SLC31A1: variants seen among roughly 807,000 people sequenced by gnomAD.
SLC31A1 encodes the protein solute carrier family 31 member 1.
In SLC31A1, 5 loss-of-function variants were observed where a neutral mutation model predicts 17.2. The ratio of observed to expected loss-of-function variants is 0.29; its 90% CI spans 0.15 to 0.61. The LOEUF (loss-of-function observed/expected upper bound fraction) is 0.61, where lower values mean the gene tolerates loss of function less well. Ranked by LOEUF, SLC31A1 falls within the 20% of genes least tolerant of loss-of-function variation. The probability of loss-of-function intolerance (pLI) is 0.86; values close to 1 mark genes in which losing one functional copy is unlikely to be tolerated. For synonymous variants in SLC31A1, 76 were observed against 78.8 expected (o/e 0.96, Z 0.19); for missense variants, 161 against 241.4 (o/e 0.67, Z 2.21).
At chr9:113,239,344 A>T (rs776906098) in intron 1 of SLC31A1, among the ~76,000 whole-genome samples, 1 of 152,094 alleles carries the variant, frequency 6.6e-6, no homozygotes, top group Non-Finnish European at 1.5e-5. Flanking sequence ...TGCCCCTCAA[A>T]CCATTTTATG....
intron 1 of SLC31A1, among the ~76,000 whole-genome samples, chr9:113,225,684 C>T (rs1277686127): frequency 6.6e-6 from 1 of 152,168 alleles, no homozygotes; most frequent in Non-Finnish European, 1.5e-5. Flanking sequence ...AGATACCATA[C>T]TCATAAGAGT....
At chr9:113,247,590 AT>A (rs769277049) in intron 1 of SLC31A1, among the ~76,000 whole-genome samples, 1 of 152,180 alleles carries the variant, frequency 6.6e-6, no homozygotes, top group African/African-American at 2.4e-5. Context: ...AACATATTAG[AT>A]TTTACAGACT....
chr9:113,258,596 G>A lies in SLC31A1; in HGVS notation c.203-98G>A. 1 of 1,311,546 alleles carries A rather than the reference G, an allele frequency of 7.6e-7. No individual in the cohort carries two copies. Among genetic ancestry groups the A allele is most frequent in the Non-Finnish European group, 1.1e-6 (1 of 908,628 alleles). The allele number at this position is 1,311,546 out of a possible 1,614,324, so 81.2% of individuals were successfully genotyped here. A position where few individuals can be genotyped will look rare whatever the true frequency, so the allele number is the denominator to read the frequency against. ...AATATAATGTCTTCAAAAGCTGAGAGTAGCATTTTTTCTATGTGTCTTTCT... is the reference window on the plus strand; with the variant it reads ...AATATAATGTCTTCAAAAGCTGAGAATAGCATTTTTTCTATGTGTCTTTCT... On this transcript the variant is annotated intron_variant, in intron 3 of 4. Coordinates refer to ENST00000374212, the MANE Select transcript of SLC31A1 (RefSeq NM_001859.4). The surrounding 1 kb of genome is among the most constrained non-coding windows in gnomAD (Gnocchi z 4.8).
At chr9:113,250,035 C>T (rs1831629198) in intron 1 of SLC31A1, among the ~76,000 whole-genome samples, 1 of 151,706 alleles carries the variant, frequency 6.6e-6, no homozygotes, top group Non-Finnish European at 1.5e-5. Context: ...ATAACAGGTG[C>T]TGGAGAGGAT....
In SLC31A1 at chr9:113,264,375, A is replaced by G. The variant is rs926172074; in HGVS notation, c.*3902A>G. 2 of 152,636 alleles carry G rather than the reference A, an allele frequency of 1.3e-5. No homozygotes were observed. Among genetic ancestry groups the G allele is most frequent in the African/African-American group, 4.8e-5 (2 of 41,460 alleles). The allele number at this position is 152,636 out of a possible 1,614,324, so 9.5% of individuals were successfully genotyped here. A position where few individuals can be genotyped will look rare whatever the true frequency, so the allele number is the denominator to read the frequency against. ...ATAATGCCTTAATTACTGGGTCTACAATTAATGTTGACTGTTTTAGATTGT... is the reference window on the plus strand; with the variant it reads ...ATAATGCCTTAATTACTGGGTCTACGATTAATGTTGACTGTTTTAGATTGT... On this transcript the variant is annotated 3_prime_UTR_variant, in exon 5 of 5. Coordinates refer to ENST00000374212, the MANE Select transcript of SLC31A1 (RefSeq NM_001859.4).
intron 1 of SLC31A1, among the ~76,000 whole-genome samples, chr9:113,234,152 G>C (rs1162879131): frequency 6.6e-6 from 1 of 151,732 alleles, no homozygotes; most frequent in Non-Finnish European, 1.5e-5. Context: ...CAACTTTTTT[G>C]GCTCCCACTT....
chr9:113,260,827 A>AT lies in SLC31A1; in HGVS notation c.*359dup. On this transcript the variant is annotated 3_prime_UTR_variant, in exon 5 of 5. Coordinates refer to ENST00000374212, the MANE Select transcript of SLC31A1 (RefSeq NM_001859.4). ...ACTTGATCATCTGCTTCCTTTTTGAATTTTTAACAGATAGTAAGTAAATTT... is the reference window on the plus strand; with the variant it reads ...ACTTGATCATCTGCTTCCTTTTTGAATTTTTTAACAGATAGTAAGTAAATTT... The AT allele has an allele frequency of 3.3e-6, 1 of 307,462 alleles. No homozygotes were observed. Among genetic ancestry groups the AT allele is most frequent in the South Asian group, 3.2e-5 (1 of 31,344 alleles). The allele number at this position is 307,462 out of a possible 1,614,324, so 19.0% of individuals were successfully genotyped here.
At chr9:113,237,085 A>G (rs1374807198) in intron 1 of SLC31A1, among the ~76,000 whole-genome samples, 1 of 152,220 alleles carries the variant, frequency 6.6e-6, no homozygotes, top group African/African-American at 2.4e-5. Flanking sequence ...GTAGAAAGGC[A>G]TTTGGGGCTT....
chr9:113,221,797 G>A (rs1831276426), intron 1 of SLC31A1, 119 bp downstream of exon 1: 1 of 184,102 alleles, frequency 5.4e-6, no homozygotes, highest in South Asian at 8.5e-5. Flanking sequence ...AAGAGCTCGG[G>A]ACTGGAGGGT....
chr9:113,260,250 T>G (rs1360820572), intron 4 of SLC31A1, 22 bp from the exon 5 acceptor site: 1 of 1,609,412 alleles, frequency 6.2e-7, no homozygotes, highest in African/African-American at 1.3e-5. Context: ...CCCTGATTGT[T>G]GTGTCCCTGT....
intron 1 of SLC31A1, among the ~76,000 whole-genome samples, chr9:113,232,295 C>G (rs539548706): frequency 1.2e-4 from 18 of 152,234 alleles, no homozygotes; most frequent in African/African-American, 3.9e-4. Flanking sequence ...GAACTCATCT[C>G]TTTTCCTTCC....
chr9:113,244,703 G>A (rs1437402791), intron 1 of SLC31A1, among the ~76,000 whole-genome samples: 1 of 152,182 alleles, frequency 6.6e-6, no homozygotes, highest in Non-Finnish European at 1.5e-5. Context: ...ACAGTAGCCA[G>A]GTTTTATTGG....
In SLC31A1 at chr9:113,249,827, C is replaced by CA. The variant is rs752305357; in HGVS notation, c.-35-6285dup. 4.8e-3 allele frequency among the ~76,000 whole-genome samples: 717 copies of CA among 149,534 alleles called. 3 individuals are homozygous for CA. The highest frequency in any genetic ancestry group is 0.01 in the Middle Eastern group (3 of 292). On this transcript the variant is annotated intron_variant, in intron 1 of 4. Coordinates refer to ENST00000374212, the MANE Select transcript of SLC31A1 (RefSeq NM_001859.4). ...TCTACAATGAACTCAAACAAATTTA[C>CA]AAGAAAAAAAACAGACAACCCCATC... is the stretch of plus-strand genomic sequence containing the variant.
intron 1 of SLC31A1, among the ~76,000 whole-genome samples, chr9:113,237,934 C>T (rs1364682386): frequency 2.6e-5 from 4 of 152,190 alleles, no homozygotes; most frequent in Admixed American, 2.6e-4. Flanking sequence ...ATAGTGAATT[C>T]TGTAAACAAG....
chr9:113,256,009 C>T, intron 1 of SLC31A1, 105 bp from the exon 2 acceptor site: 1 of 801,156 alleles, frequency 1.2e-6, no homozygotes, highest in Non-Finnish European at 1.9e-6. Context: ...ATAGCCATTG[C>T]ATTCCAGCCT....
intron 1 of SLC31A1, among the ~76,000 whole-genome samples, chr9:113,251,304 C>T (rs1239726835): frequency 6.6e-6 from 1 of 152,100 alleles, no homozygotes; most frequent in South Asian, 2.1e-4. Context: ...TGCCTGTAAT[C>T]CCAGCTACTA....
chr9:113,258,612 G>T lies in SLC31A1; in HGVS notation c.203-82G>T. ...AAGCTGAGAGTAGCATTTTTTCTAT[G>T]TGTCTTTCTAGCTGGACAGCACATT... On this transcript the variant is annotated intron_variant, in intron 3 of 4. Transcript: ENST00000374212. This position sits in a 1 kb window ranked among gnomAD's most constrained non-coding sequence, Gnocchi z 4.8. 4 of 1,462,716 alleles carry T rather than the reference G, an allele frequency of 2.7e-6. No individual in the cohort carries two copies. Among genetic ancestry groups the T allele is most frequent in the Admixed American group, 1.7e-5 (1 of 59,098 alleles). The allele number at this position is 1,462,716 out of a possible 1,614,324, so 90.6% of individuals were successfully genotyped here. A position where few individuals can be genotyped will look rare whatever the true frequency, so the allele number is the denominator to read the frequency against.
intron 4 of SLC31A1, among the ~76,000 whole-genome samples, chr9:113,259,423 A>G (rs1337636189): frequency 6.6e-6 from 1 of 152,154 alleles, no homozygotes; most frequent in Non-Finnish European, 1.5e-5. Flanking sequence ...TCAAACAAGC[A>G]GTGTTATTTA....
Position 113,260,288 on chromosome 9 carries a change from T to A in SLC31A1, c.388T>A (p.Phe130Ile). 6.2e-7 allele frequency: 1 copy of A among 1,614,080 alleles called. No individual in the cohort carries two copies. Among genetic ancestry groups the A allele is most frequent in the Non-Finnish European group, 8.5e-7 (1 of 1,179,964 alleles). Residue 130 changes from phenylalanine to isoleucine, a missense_variant, in exon 5 of 5, where the codon TTT becomes ATT. Coordinates refer to ENST00000374212, the MANE Select transcript of SLC31A1 (RefSeq NM_001859.4). Reference sequence around the variant, plus strand: ...ACTCTCCAGGCAACAGATGCTGAGCTTTCCTCACCTCCTGCAAACAGTGCT... The same window carrying A: ...ACTCTCCAGGCAACAGATGCTGAGCATTCCTCACCTCCTGCAAACAGTGCT... ...HKTVGQQMLS[F>I]PHLLQTVLHI...
Sources: gnomAD v4.1 joint callset for allele counts (sites outside exome capture counted in the v4.1 genomes callset) on GRCh38, gnomAD v4.1.1 for gene constraint, Gnocchi (gnomAD v3.1) non-coding constraint, MANE v1.5 for transcripts, NCBI Gene and HGNC (gene_info 2026-07-23, HGNC 2026-07-21) for gene names.